RNF180: variants seen among roughly 807,000 people sequenced by gnomAD.
The protein encoded by RNF180 is E3 ubiquitin-protein ligase RNF180.
RNF180 carries 38 observed loss-of-function variants against 59.2 expected under a neutral mutation model. The ratio of observed to expected loss-of-function variants is 0.64; its 90% CI spans 0.50 to 0.84. The LOEUF (loss-of-function observed/expected upper bound fraction) is 0.84. Among genes scored for constraint, RNF180 ranks in the 40% least tolerant of loss-of-function variants. RNF180 has a pLI of 0.00. For synonymous variants in RNF180, 262 were observed against 240.3 expected, an observed-to-expected ratio of 1.09 and a Z score of -0.84; for missense variants, 705 against 700.9, an observed-to-expected ratio of 1.01 and a Z score of -0.07.
chr5:64,189,606 G>A (rs549651736), intron 1 of RNF180, among the ~76,000 whole-genome samples: 2 of 152,224 alleles, frequency 1.3e-5, no homozygotes, highest in East Asian at 1.9e-4. Context: ...GATGTGGCCC[G>A]GTTTCTCCTT....
At chr5:64,199,218 C>T (rs969272752) in intron 1 of RNF180, among the ~76,000 whole-genome samples, 1 of 152,194 alleles carries the variant, frequency 6.6e-6, no homozygotes, top group Non-Finnish European at 1.5e-5. Flanking sequence ...GACAGAACTG[C>T]AGCCTGTCTA....
chr5:64,175,128 C>T (rs545675668), intron 1 of RNF180, among the ~76,000 whole-genome samples: 7 of 152,056 alleles, frequency 4.6e-5, no homozygotes, highest in Admixed American at 1.3e-4. Context: ...CCACCACACC[C>T]GGCTAATTTT....
rs546661126 is a variant in RNF180 at position 64,330,388 on chromosome 5, G to A, written c.1561G>A (p.Ala521Thr). ...AKWPLPSCRK[A>T]FHLFGGFRRH... is the part of the protein sequence containing the mutation. ...ATGGCCCCTACCAAGCTGCAGAAAAGCATTTCATCTTTTTGGAGGTAAGGA... is the reference window on the plus strand; with the variant it reads ...ATGGCCCCTACCAAGCTGCAGAAAAACATTTCATCTTTTTGGAGGTAAGGA... The change falls in exon 7 of 8, where the codon GCA (alanine) becomes ACA (threonine). Residue 521 changes from alanine to threonine, a missense_variant. By Grantham distance (58) the Ala-to-Thr change is moderately conservative. Coordinates refer to ENST00000389100, the MANE Select transcript of RNF180 (RefSeq NM_001113561.2). 2 of 1,536,720 alleles carry A rather than the reference G, an allele frequency of 1.3e-6. No individual in the cohort carries two copies. The highest frequency in any genetic ancestry group is 8.7e-7 in the Non-Finnish European group (1 of 1,143,702).
chr5:64,239,556 CAGTTG>C (rs1004908722), intron 5 of RNF180, among the ~76,000 whole-genome samples: 13 of 152,000 alleles, frequency 8.6e-5, no homozygotes, highest in African/African-American at 2.9e-4. Flanking sequence ...TAACGTTTCT[CAGTTG>C]AGTTAAGAGC....
At chr5:64,351,510 TG>T (rs1443333640) in intron 7 of RNF180, among the ~76,000 whole-genome samples, 1 of 152,156 alleles carries the variant, frequency 6.6e-6, no homozygotes, top group Non-Finnish European at 1.5e-5. Flanking sequence ...TTCCAGTTTT[TG>T]CCCATTCAGT....
chr5:64,367,307 TAC>T (rs1335557142), intron 7 of RNF180, among the ~76,000 whole-genome samples: 5 of 150,796 alleles, frequency 3.3e-5, no homozygotes, highest in African/African-American at 1.2e-4. Context: ...AGAGAAAAAA[TAC>T]ACAGGATACC....
intron 5 of RNF180, among the ~76,000 whole-genome samples, chr5:64,260,438 GAAATT>G (rs1365591903): frequency 6.6e-6 from 1 of 152,146 alleles, no homozygotes; most frequent in Non-Finnish European, 1.5e-5. Context: ...ATTTAAGAAA[GAAATT>G]AATTTCTTCA....
chr5:64,217,258 T>C, intron 4 of RNF180, 103 bp from the exon 5 acceptor site: 2 of 1,259,108 alleles, frequency 1.6e-6, no homozygotes, highest in Non-Finnish European at 2.0e-6. Context: ...ATTCAGCTGC[T>C]GAAGGACAAG....
At chr5:64,202,958 C>G (rs1048530007) in intron 2 of RNF180, among the ~76,000 whole-genome samples, 2 of 152,214 alleles carry the variant, frequency 1.3e-5, no homozygotes, top group Non-Finnish European at 2.9e-5. Flanking sequence ...TGCTCATAAC[C>G]TCCACACTCT....
intron 1 of RNF180, among the ~76,000 whole-genome samples, chr5:64,182,147 C>T (rs2366279): frequency 0.04 from 6,138 of 151,946 alleles, 393 homozygotes; most frequent in African/African-American, 0.13. Context: ...CCCACCACCA[C>T]GCCTGGCTAA....
At chr5:64,289,046 T>C (rs1561241045) in intron 5 of RNF180, among the ~76,000 whole-genome samples, 2 of 152,162 alleles carry the variant, frequency 1.3e-5, no homozygotes, top group Admixed American at 1.3e-4. Context: ...ATCGCTCTTA[T>C]TATTTTGAGG....
At chr5:64,283,429 T>C (rs1195517970) in intron 5 of RNF180, among the ~76,000 whole-genome samples, 8 of 152,182 alleles carry the variant, frequency 5.3e-5, no homozygotes, top group Admixed American at 5.2e-4. Context: ...TTATCTAGTT[T>C]GTCACTCTGT....
intron 2 of RNF180, among the ~76,000 whole-genome samples, chr5:64,202,645 G>A (rs1051030482): frequency 3.3e-5 from 5 of 152,152 alleles, no homozygotes; most frequent in South Asian, 4.2e-4. Context: ...AGTATTTTCC[G>A]TCTTTATAAT....
chr5:64,235,827 A>G (rs1742406744), intron 5 of RNF180, among the ~76,000 whole-genome samples: 4 of 152,084 alleles, frequency 2.6e-5, no homozygotes, highest in Admixed American at 2.6e-4. Flanking sequence ...TTCTCCTGTC[A>G]CCATGTAAGA....
chr5:64,183,529 C>G (rs1750721015), intron 1 of RNF180, among the ~76,000 whole-genome samples: 1 of 139,658 alleles, frequency 7.2e-6, no homozygotes, highest in Non-Finnish European at 1.5e-5. Context: ...CTCACTGCAA[C>G]CTCCACCTCC....
At chr5:64,185,950 CT>C (rs912646209) in intron 1 of RNF180, among the ~76,000 whole-genome samples, 1 of 152,176 alleles carries the variant, frequency 6.6e-6, no homozygotes, top group African/African-American at 2.4e-5. Flanking sequence ...GTAAAACTCT[CT>C]TTTGGGGAAG....
chr5:64,310,513 T>C (rs1743710640), intron 5 of RNF180, among the ~76,000 whole-genome samples: 1 of 150,766 alleles, frequency 6.6e-6, no homozygotes, highest in Non-Finnish European at 1.5e-5. Context: ...CAAAATACTT[T>C]TGCAAAAAAA....
At chr5:64,346,359 C>CTTTTTTTTTTTTTTTTTTTTTTTTTTT (rs1162054033) in intron 7 of RNF180, among the ~76,000 whole-genome samples, 1 of 42,954 alleles carries the variant, frequency 2.3e-5, no homozygotes, top group Non-Finnish European at 4.4e-5. Flanking sequence ...TTCTTTTCTT[C>CTTTTTTTTTTTTTTTTTTTTTTTTTTT]TTTTTTTTTT....
intron 5 of RNF180, among the ~76,000 whole-genome samples, chr5:64,252,170 T>C (rs1295432428): frequency 2.6e-5 from 4 of 152,070 alleles, no homozygotes; most frequent in Non-Finnish European, 4.4e-5. Context: ...AGTACTAGCA[T>C]AAAAACAAAC....
Sources: gnomAD v4.1 joint callset for allele counts (sites outside exome capture counted in the v4.1 genomes callset) on GRCh38, gnomAD v4.1.1 for gene constraint, MANE v1.5 for transcripts, NCBI Gene and HGNC (gene_info 2026-07-23, HGNC 2026-07-21) for gene names.